The following ABCA6 variants were observed in gnomAD, a reference collection of about 807,000 sequenced individuals.
ABCA6 encodes ATP-binding cassette sub-family A member 6.
In ABCA6, 164 loss-of-function variants were observed where a neutral mutation model predicts 191.2. That is an observed-to-expected ratio of 0.86 (90% confidence interval 0.76 to 0.98). The LOEUF is 0.98. Among genes scored for constraint, ABCA6 ranks in the 50% least tolerant of loss-of-function variants. The pLI, the probability that ABCA6 is intolerant of heterozygous loss-of-function variation, is 0.00. For missense variants in ABCA6, 1,958 were observed against 1,894.1 expected, an observed-to-expected ratio of 1.03 and a Z score of -0.63; for synonymous variants, 636 against 647.7, an observed-to-expected ratio of 0.98 and a Z score of 0.27.
At chr17:69,087,116 A>G (rs1264065939) in intron 29 of ABCA6, among the ~76,000 whole-genome samples, 1 of 152,198 alleles carries the variant, frequency 6.6e-6, no homozygotes. Flanking sequence ...ATGAAAGCCC[A>G]CTTTTCTCAA....
chr17:69,117,429 T>C (rs532066981), intron 11 of ABCA6, among the ~76,000 whole-genome samples: 9 of 152,066 alleles, frequency 5.9e-5, no homozygotes, highest in Non-Finnish European at 1.3e-4. Flanking sequence ...TCAAAATGTG[T>C]TTTTTCATTT....
intron 5 of ABCA6, 40 bp downstream of exon 5, chr17:69,134,599 G>T: frequency 6.9e-7 from 1 of 1,439,848 alleles, no homozygotes; most frequent in Non-Finnish European, 9.7e-7. Context: ...TCTGGAAGTA[G>T]CTGACATTAA....
chr17:69,081,360 T>C (rs763498726), intron 36 of ABCA6, among the ~76,000 whole-genome samples: 8 of 152,240 alleles, frequency 5.3e-5, no homozygotes, highest in Non-Finnish European at 1.2e-4. Context: ...AGCATAATTA[T>C]ATATGTGCTC....
intron 18 of ABCA6, among the ~76,000 whole-genome samples, chr17:69,106,608 A>AAG (rs1555649823): frequency 6.6e-6 from 1 of 151,568 alleles, no homozygotes; most frequent in Non-Finnish European, 1.5e-5. Flanking sequence ...AAAAAAAAAA[A>AAG]AAAAGTTTTA....
At position 69,095,249 on chromosome 17, in the gene ABCA6, T is replaced by C. The variant is rs8074859; in HGVS notation, c.3408+991A>G. The C allele has an allele frequency of 1.5e-3, 285 of 192,626 alleles. 1 individual carries two copies. The highest frequency in any genetic ancestry group is 6.5e-3 in the African/African-American group (274 of 42,476). The allele number at this position is 192,626 out of a possible 1,614,324, so 11.9% of individuals were successfully genotyped here. On this transcript the variant is annotated intron_variant, in intron 25 of 38. Transcript: ENST00000284425. ...GGAAAGGATAAATGGAAAGACCTTT[T>C]GTGCACCAGATCCTCATGGCTGCCT...
chr17:69,136,946 T>G (rs1310485332), intron 3 of ABCA6, among the ~76,000 whole-genome samples: 1 of 152,198 alleles, frequency 6.6e-6, no homozygotes, highest in African/African-American at 2.4e-5. Flanking sequence ...GATGTTTTTT[T>G]CCTGAGATAC....
intron 25 of ABCA6, among the ~76,000 whole-genome samples, chr17:69,091,477 T>G (rs972495899): frequency 2.6e-5 from 4 of 152,078 alleles, no homozygotes; most frequent in Non-Finnish European, 5.9e-5. Flanking sequence ...AAATTCTTAA[T>G]AAAGACTGGC....
At chr17:69,087,296 CTCTTGACAGT>C in intron 29 of ABCA6, 47 bp downstream of exon 29, 2 of 1,591,778 alleles carry the variant, frequency 1.3e-6, no homozygotes, top group South Asian at 2.3e-5. Context: ...TCAAATCCTG[CTCTTGACAGT>C]TCTTGAATAT....
chr17:69,131,208 T>C (rs2073855331), intron 6 of ABCA6, among the ~76,000 whole-genome samples: 1 of 152,184 alleles, frequency 6.6e-6, no homozygotes, highest in African/African-American at 2.4e-5. Context: ...ACTAATTAAA[T>C]GAGAATTCAA....
At position 69,137,363 on chromosome 17, in the gene ABCA6, C is replaced by A. The variant is rs983551932; in HGVS notation, c.234G>T (p.Val78=). 2 of 1,613,608 alleles carry A rather than the reference C, an allele frequency of 1.2e-6. No homozygotes were observed. The highest frequency in any genetic ancestry group is 1.7e-6 in the Non-Finnish European group (2 of 1,179,738). The change falls in exon 3 of 39, where the codon GTG becomes GTT. Residue 78 remains valine (V), a synonymous_variant. Coordinates refer to ENST00000284425, the MANE Select transcript of ABCA6 (RefSeq NM_080284.3). The stretch of plus-strand genomic sequence containing the variant: ...GGGTTAAATTAGATATTGGTGTATA[C>A]ACAACCATTAAAGAAGAGCTATTAA... ...DKFNSSSLMV[V]YTPISNLTQQ... is the part of the protein sequence containing the mutation.
chr17:69,098,907 T>C (rs993799517), intron 22 of ABCA6, among the ~76,000 whole-genome samples: 6 of 152,304 alleles, frequency 3.9e-5, no homozygotes, highest in South Asian at 2.1e-4. Flanking sequence ...ACTACTCAAC[T>C]GTACACTTGC....
chr17:69,078,974 T>C lies in ABCA6; in HGVS notation c.4853A>G (p.Ter1618=), dbSNP rs1598435032. 1 of 1,602,968 alleles carries C rather than the reference T, an allele frequency of 6.2e-7. No individual in the cohort carries two copies. The highest frequency in any genetic ancestry group is 2.2e-5 in the East Asian group (1 of 44,716). ...WKLLPHSDEP[*] ...CAAAAAATTACTAGGTTTGAGGTTT[T>C]AAGGTTCATCTGAATGAGGGAGGAG... is the stretch of plus-strand genomic sequence containing the variant. Residue 1618 remains the stop codon, a stop_retained_variant, in exon 39 of 39, where the codon TAA becomes TGA. Coordinates refer to ENST00000284425, the MANE Select transcript of ABCA6 (RefSeq NM_080284.3).
chr17:69,128,740 AAC>A lies in ABCA6; in HGVS notation c.996_997del (p.Phe333SerfsTer16), dbSNP rs1276457020. On this transcript the variant is annotated frameshift_variant, in exon 8 of 39. Transcript: ENST00000284425. LOFTEE classifies it high-confidence loss of function. ...ACATCCCCAAAAGAGGGTAAGGAGA[AAC>A]ACAACCAAATTGGTGAGGACAGCTT... 14 of 1,612,842 alleles carry A rather than the reference AAC, an allele frequency of 8.7e-6. No individual in the cohort carries two copies. Among genetic ancestry groups the A allele is most frequent in the Admixed American group, 3.3e-5 (2 of 59,908 alleles).
rs1335363007 is a variant in ABCA6 at position 69,123,496 on chromosome 17, A to G, written c.1268-89T>C. 6.6e-6 allele frequency: 6 copies of G among 912,168 alleles called. No individual in the cohort carries two copies. The East Asian group carries it at 1.9e-4, about 29-fold the overall frequency. The allele number at this position is 912,168 out of a possible 1,614,324, so 56.5% of individuals were successfully genotyped here. On this transcript the variant is annotated intron_variant, in intron 9 of 38. Transcript: ENST00000284425. The stretch of plus-strand genomic sequence containing the variant: ...GCTAACAACAATGCAGAATGCCTTG[A>G]AGTTTTAAGCATCATAGAGACATTT...
intron 31 of ABCA6, 82 bp from the exon 32 acceptor site, chr17:69,085,264 C>T (rs1383725309): frequency 8.8e-6 from 12 of 1,362,452 alleles, no homozygotes; most frequent in African/African-American, 3.0e-5. Flanking sequence ...CATATATAAG[C>T]GTCTAAATTG....
chr17:69,140,574 C>T (rs754238932), intron 2 of ABCA6, 34 bp downstream of exon 2: 52 of 1,412,072 alleles, frequency 3.7e-5, no homozygotes, highest in Non-Finnish European at 4.4e-5. Flanking sequence ...TGTAAGAGTG[C>T]TAACCGTGGA....
rs1385944316 is a variant in ABCA6, at chr17:69,113,702, G to A, written c.1818C>T (p.Asn606=). The change falls in exon 14 of 39, where the codon AAC becomes AAT. Residue 606 remains asparagine (N), a synonymous_variant. Transcript: ENST00000284425. ...AATGTTTAGCAAGGTTATCTTGAAT[G>A]TTTTGCATGTCCAATTCCAATAATA... ...QRILLELDMQ[N]IQDNLAKHLS... 1.9e-6 allele frequency: 3 copies of A among 1,612,508 alleles called. No homozygotes were observed. In the African/African-American group the frequency reaches 4.0e-5, roughly 22 times the overall value.
chr17:69,139,849 A>C (rs1314795526), intron 2 of ABCA6, among the ~76,000 whole-genome samples: 1 of 151,702 alleles, frequency 6.6e-6, no homozygotes, highest in Non-Finnish European at 1.5e-5. Flanking sequence ...TTGCAAGGAC[A>C]AAAAACCAAA....
In ABCA6 at chr17:69,137,459, C is replaced by A; in HGVS notation, c.138G>T (p.Leu46=). 1 of 1,613,672 alleles carries A rather than the reference C, an allele frequency of 6.2e-7. No individual in the cohort carries two copies. Among genetic ancestry groups the A allele is most frequent in the South Asian group, 1.1e-5 (1 of 91,078 alleles). Residue 46 remains leucine, a synonymous_variant, in exon 3 of 39, where the codon CTG becomes CTT. Coordinates refer to ENST00000284425, the MANE Select transcript of ABCA6 (RefSeq NM_080284.3). ...GGACATTTCTCATGGAACTGGAAAA[C>A]AGAGCAATACACAGTCCTAGAAGTA... ...LSILLGLCIA[L]FSSSMRNVQF...
Sources: gnomAD v4.1 joint callset for allele counts (sites outside exome capture counted in the v4.1 genomes callset) on GRCh38, gnomAD v4.1.1 for gene constraint, MANE v1.5 for transcripts, NCBI Gene and HGNC (gene_info 2026-07-23, HGNC 2026-07-21) for gene names.